The following ATP8A1 variants were observed in gnomAD, a reference collection of about 807,000 sequenced individuals.
ATP8A1 encodes phospholipid-transporting ATPase IA.
ATP8A1 carries 90 observed loss-of-function variants against 177.7 expected under a neutral mutation model. The observed-to-expected ratio is 0.51, with a 90% CI of 0.43 to 0.60. The LOEUF (loss-of-function observed/expected upper bound fraction) is 0.60. Among genes scored for constraint, ATP8A1 ranks in the 20% least tolerant of loss-of-function variants. ATP8A1 has a pLI of 0.00. For missense variants in ATP8A1, 1,072 were observed against 1,392.8 expected, an observed-to-expected ratio of 0.77 and a Z score of 3.67; for synonymous variants, 493 against 485.9, an observed-to-expected ratio of 1.01 and a Z score of -0.19.
In ATP8A1 at chr4:42,475,494, A is replaced by C. The variant is rs1057407992; in HGVS notation, c.2324+10002T>G. 2.9e-4 allele frequency among the ~76,000 whole-genome samples: 43 copies of C among 149,898 alleles called. 1 individual carries two copies. Among genetic ancestry groups the C allele is most frequent in the East Asian group, 3.9e-4 (2 of 5,152 alleles). ...GGTTAGCAAATTAAATATCAGACAA[A>C]AAAAAAAAAAAAATTCAGGACATAG... On this transcript the variant is annotated intron_variant, in intron 25 of 36. Transcript: ENST00000381668.
In ATP8A1 at chr4:42,578,352, T is replaced by A; in HGVS notation, c.1036A>T (p.Thr346Ser). Residue 346 changes from threonine to serine, a missense_variant, in exon 12 of 37, where the codon ACC (threonine) becomes TCC (serine). Coordinates refer to ENST00000381668, the MANE Select transcript of ATP8A1 (RefSeq NM_006095.2). ...GASNFGLNFL[T>S]FIILFNNLIP... The stretch of plus-strand genomic sequence containing the variant: ...AGATTGTTGAAAAGGATGATGAAGG[T>A]CAAGAAATTCAGTCCAAAATTACTA... 6.2e-7 allele frequency: 1 copy of A among 1,612,756 alleles called. No individual in the cohort carries two copies. Among genetic ancestry groups the A allele is most frequent in the Non-Finnish European group, 8.5e-7 (1 of 1,179,254 alleles).
intron 6 of ATP8A1, among the ~76,000 whole-genome samples, chr4:42,599,301 C>T (rs1031448728): frequency 2.6e-5 from 4 of 152,056 alleles, no homozygotes; most frequent in Admixed American, 6.6e-5. Flanking sequence ...TATATCCTAC[C>T]TGTCTTCTTT....
rs1732558415 is a variant in ATP8A1 at position 42,577,246 on chromosome 4, G to C, written c.1128+1014C>G. On this transcript the variant is annotated intron_variant, in intron 12 of 36. Coordinates refer to ENST00000381668, the MANE Select transcript of ATP8A1 (RefSeq NM_006095.2). ...ATGAGTTACCCTATTATTGCTATAAGAAACTTCAATAAGTCTTACTTATAT... is the reference window on the plus strand; with the variant it reads ...ATGAGTTACCCTATTATTGCTATAACAAACTTCAATAAGTCTTACTTATAT... Among the ~76,000 whole-genome samples, 3 of 152,242 alleles carry C rather than the reference G, an allele frequency of 2.0e-5. No individual in the cohort carries two copies. The South Asian group carries it at 6.2e-4, about 32-fold the overall frequency.
intron 4 of ATP8A1, among the ~76,000 whole-genome samples, chr4:42,617,494 T>C (rs1265776157): frequency 1.3e-5 from 2 of 152,210 alleles, no homozygotes; most frequent in Non-Finnish European, 2.9e-5. Flanking sequence ...GTAGCATCAG[T>C]AGAGATTTTG....
intron 1 of ATP8A1, among the ~76,000 whole-genome samples, chr4:42,653,533 C>T (rs905774766): frequency 7.2e-5 from 11 of 152,214 alleles, no homozygotes; most frequent in Non-Finnish European, 1.0e-4. Flanking sequence ...CTAATTCTGA[C>T]TTTTGTCATT....
intron 20 of ATP8A1, among the ~76,000 whole-genome samples, chr4:42,540,595 T>C (rs1728290040): frequency 6.6e-6 from 1 of 151,890 alleles, no homozygotes; most frequent in South Asian, 2.1e-4. Context: ...TGGTATACTA[T>C]TCAGCCATAA....
At chr4:42,539,251 G>T (rs1329096917) in intron 20 of ATP8A1, among the ~76,000 whole-genome samples, 1 of 151,954 alleles carries the variant, frequency 6.6e-6, no homozygotes, top group African/African-American at 2.4e-5. Flanking sequence ...TTTGGGACCT[G>T]GGGGGAGAGG....
chr4:42,540,131 T>C (rs1728235143), intron 20 of ATP8A1, among the ~76,000 whole-genome samples: 1 of 151,854 alleles, frequency 6.6e-6, no homozygotes, highest in African/African-American at 2.4e-5. Flanking sequence ...AGGACATGAG[T>C]AAGCATTTCT....
At chr4:42,545,915 A>G (rs1392852974) in intron 19 of ATP8A1, among the ~76,000 whole-genome samples, 2 of 152,166 alleles carry the variant, frequency 1.3e-5, no homozygotes, top group Non-Finnish European at 2.9e-5. Flanking sequence ...CGGAGGTTGC[A>G]GTGAGCTGAG....
At chr4:42,638,198 C>CA (rs1255160750) in intron 1 of ATP8A1, among the ~76,000 whole-genome samples, 1 of 152,178 alleles carries the variant, frequency 6.6e-6, no homozygotes, top group Non-Finnish European at 1.5e-5. Context: ...TATATTTTGT[C>CA]ATCAGGACCT....
intron 33 of ATP8A1, among the ~76,000 whole-genome samples, chr4:42,427,078 C>T (rs973622721): frequency 5.3e-5 from 8 of 151,554 alleles, no homozygotes; most frequent in African/African-American, 1.9e-4. Context: ...AACAAAAAAC[C>T]AAGAAGTGAT....
intron 24 of ATP8A1, among the ~76,000 whole-genome samples, chr4:42,487,452 A>G (rs573200300): frequency 3.3e-5 from 5 of 152,294 alleles, no homozygotes; most frequent in African/African-American, 1.2e-4. Context: ...AAGGAAATAT[A>G]ATGAGTAATT....
Position 42,625,618 on chromosome 4 carries a change from A to G in ATP8A1, c.260T>C (p.Leu87Pro). The change falls in exon 3 of 37, where the codon CTG becomes CCG. Residue 87 changes from leucine to proline, a missense_variant. Around this residue, in one of 5 missense-constraint regions of ATP8A1, gnomAD observed 344 missense variants for 393.5 expected, o/e 0.87. Coordinates refer to ENST00000381668, the MANE Select transcript of ATP8A1 (RefSeq NM_006095.2). ...ANSFFLFIALLQQIPDVSPTG... is the reference protein window; with the variant it reads ...ANSFFLFIALPQQIPDVSPTG... ...GGTTTTATGACGTGACTTTACCTGC[A>G]GCAGTGCAATAAAGAGAAAAAATGA... The G allele has an allele frequency of 3.8e-6, 6 of 1,590,208 alleles. No individual in the cohort carries two copies. Among genetic ancestry groups the G allele is most frequent in the Non-Finnish European group, 5.2e-6 (6 of 1,164,396 alleles).
chr4:42,646,137 A>G (rs1343622580), intron 1 of ATP8A1, among the ~76,000 whole-genome samples: 2 of 152,186 alleles, frequency 1.3e-5, no homozygotes, highest in Non-Finnish European at 2.9e-5. Context: ...CTGTGGGTAA[A>G]GTGAAAGCAA....
In ATP8A1 at chr4:42,575,712, T is replaced by C. The variant is rs185148098; in HGVS notation, c.1129-13A>G. 4.4e-6 allele frequency: 7 copies of C among 1,607,174 alleles called. No homozygotes were observed. The South Asian group carries it at 7.7e-5, about 18-fold the overall frequency. Reference sequence around the variant, plus strand: ...GCATGTCAAGATCCTTTAATAAAATTAAGTAAATCATTGAACACAACTGGT... The same window carrying C: ...GCATGTCAAGATCCTTTAATAAAATCAAGTAAATCATTGAACACAACTGGT... On this transcript the variant is annotated splice_polypyrimidine_tract_variant and intron_variant, in intron 12 of 36. Coordinates refer to ENST00000381668, the MANE Select transcript of ATP8A1 (RefSeq NM_006095.2).
chr4:42,545,032 T>C (rs1250672264), intron 19 of ATP8A1, among the ~76,000 whole-genome samples: 1 of 151,892 alleles, frequency 6.6e-6, no homozygotes, highest in African/African-American at 2.4e-5. Flanking sequence ...TGGTATCACG[T>C]GCCTGTAATC....
intron 10 of ATP8A1, among the ~76,000 whole-genome samples, chr4:42,580,370 G>A (rs866326035): frequency 1.3e-5 from 2 of 152,170 alleles, no homozygotes; most frequent in Non-Finnish European, 1.5e-5. Context: ...CCATGCTCCC[G>A]CAAACAGGCA....
At chr4:42,552,803 A>G (rs1729638610) in intron 16 of ATP8A1, among the ~76,000 whole-genome samples, 193 bp from the exon 17 acceptor site, 1 of 152,054 alleles carries the variant, frequency 6.6e-6, no homozygotes, top group Non-Finnish European at 1.5e-5. Flanking sequence ...GCCTGGTGAA[A>G]CCCCGTCTCT....
At position 42,608,291 on chromosome 4, in the gene ATP8A1, CA is replaced by C. The variant is rs759463251; in HGVS notation, c.409+7741del. 2.9e-3 allele frequency among the ~76,000 whole-genome samples: 437 copies of C among 151,830 alleles called. 1 individual carries two copies. Among genetic ancestry groups the C allele is most frequent in the Non-Finnish European group, 4.8e-3 (324 of 67,954 alleles). On this transcript the variant is annotated intron_variant, in intron 5 of 36. Coordinates refer to ENST00000381668, the MANE Select transcript of ATP8A1 (RefSeq NM_006095.2). ...AGCACGCCTCCCACCCACCCCACCC[CA>C]ATCAGAATGGTCTACCACTGGGGCC...
Sources: gnomAD v4.1 joint callset for allele counts (sites outside exome capture counted in the v4.1 genomes callset) on GRCh38, gnomAD v4.1.1 for gene constraint, gnomAD v4.1.1 regional missense constraint, MANE v1.5 for transcripts, NCBI Gene and HGNC (gene_info 2026-07-23, HGNC 2026-07-21) for gene names.